The following SLC6A4 variants were observed in gnomAD, a reference collection of about 807,000 sequenced individuals.
The protein encoded by SLC6A4 is sodium-dependent serotonin transporter.
In SLC6A4, 22 loss-of-function variants were observed where a neutral mutation model predicts 73.4. That is an observed-to-expected ratio of 0.30 (90% CI 0.21 to 0.43). The LOEUF is 0.43. Ranked by LOEUF, SLC6A4 falls within the 20% of genes least tolerant of loss-of-function variation. SLC6A4 has a pLI of 1.00. For synonymous variants in SLC6A4, 270 were observed against 315.5 expected (o/e 0.86, Z 1.53); for missense variants, 593 against 808.5 (o/e 0.73, Z 3.23).
chr17:30,207,490 C>A (rs1196547971), intron 13 of SLC6A4, among the ~76,000 whole-genome samples: 1 of 152,116 alleles, frequency 6.6e-6, no homozygotes, highest in Non-Finnish European at 1.5e-5. Context: ...TGGGTTCAAG[C>A]CATTCTCCTG....
intron 1 of SLC6A4, among the ~76,000 whole-genome samples, chr17:30,232,000 C>T (rs1485287301): frequency 1.3e-5 from 2 of 152,210 alleles, no homozygotes; most frequent in African/African-American, 4.8e-5. Context: ...CACAGAGCTA[C>T]GGGGAGCAGA....
At chr17:30,204,471 T>C (rs1035086788) in intron 13 of SLC6A4, 2 of 152,114 alleles carry the variant, frequency 1.3e-5, no homozygotes, top group African/African-American at 2.4e-5. Context: ...TGAAGAAAGA[T>C]GGTTTGGGAA....
intron 3 of SLC6A4, among the ~76,000 whole-genome samples, chr17:30,220,658 A>C (rs1906717522): frequency 6.6e-6 from 1 of 152,154 alleles, no homozygotes; most frequent in South Asian, 2.1e-4. Context: ...GGTCCAAAGG[A>C]TCAGAAGCAT....
intron 14 of SLC6A4, among the ~76,000 whole-genome samples, chr17:30,202,176 T>C (rs926317949): frequency 1.3e-5 from 2 of 152,220 alleles, no homozygotes; most frequent in Admixed American, 1.3e-4. Flanking sequence ...ACTATTGTGA[T>C]GGACTCATGT....
chr17:30,212,068 A>G (rs1906403787), intron 9 of SLC6A4, among the ~76,000 whole-genome samples: 1 of 152,182 alleles, frequency 6.6e-6, no homozygotes, highest in Non-Finnish European at 1.5e-5. Flanking sequence ...AGATGCCATC[A>G]TCTGTTTTTT....
intron 1 of SLC6A4, among the ~76,000 whole-genome samples, chr17:30,227,957 G>A (rs1327303284): frequency 3.3e-5 from 5 of 152,246 alleles, no homozygotes; most frequent in Non-Finnish European, 7.3e-5. Flanking sequence ...TATGCCCCTT[G>A]TGATGGGGTC....
At chr17:30,215,565 C>T in intron 8 of SLC6A4, 46 bp downstream of exon 8, 1 of 1,481,382 alleles carries the variant, frequency 6.8e-7, no homozygotes, top group Non-Finnish European at 9.4e-7. Context: ...AGCTGACTTT[C>T]ACTCACGCCA....
At position 30,203,254 on chromosome 17, in the gene SLC6A4, T is replaced by A. The variant is rs1906089062; in HGVS notation, c.1736A>T (p.Tyr579Phe). Residue 579 changes from tyrosine (Y) to phenylalanine (F), a missense_variant, in exon 14 of 15, where the codon TAC becomes TTC. Physicochemically the swap from Tyr to Phe is conservative, Grantham distance 22 (BLOSUM62 3). Transcript: ENST00000650711. ...NYPYWSIILG[Y>F]CIGTSSFICI... is the part of the protein sequence containing the mutation. ...AATGAAAGATGAGGTTCCTATGCAG[T>A]AACCCAAGATGATACTCCAGTAAGG... 6.2e-7 allele frequency: 1 copy of A among 1,612,414 alleles called. No individual in the cohort carries two copies. The highest frequency in any genetic ancestry group is 1.3e-5 in the African/African-American group (1 of 74,992).
intron 12 of SLC6A4, among the ~76,000 whole-genome samples, chr17:30,208,389 T>C (rs1217471383): frequency 6.6e-6 from 1 of 152,046 alleles, no homozygotes; most frequent in African/African-American, 2.4e-5. Flanking sequence ...GGTTCTTCTA[T>C]AAAAAGTAAC....
chr17:30,197,466 G>A lies in SLC6A4; in HGVS notation c.*990C>T, dbSNP rs767518305. 8 of 152,426 alleles carry A rather than the reference G, an allele frequency of 5.2e-5. No homozygotes were observed. 9.4% of individuals were successfully genotyped at this position (152,426 alleles called of 1,614,324 possible). A position where few individuals can be genotyped will look rare whatever the true frequency, so the allele number is the denominator to read the frequency against. On this transcript the variant is annotated 3_prime_UTR_variant, in exon 15 of 15. Transcript: ENST00000650711. ...GGACAGTCAAACTCAGTCACGTAAG[G>A]CAGACAGAACTTAAACCAGAGGGCC...
At chr17:30,227,239 A>G (rs1308360508) in intron 1 of SLC6A4, among the ~76,000 whole-genome samples, 1 of 152,140 alleles carries the variant, frequency 6.6e-6, no homozygotes, top group Non-Finnish European at 1.5e-5. Flanking sequence ...TGTGTTCCCG[A>G]AGTGTGCAGG....
intron 14 of SLC6A4, among the ~76,000 whole-genome samples, chr17:30,200,254 G>A (rs914262620): frequency 2.0e-5 from 3 of 152,226 alleles, no homozygotes; most frequent in African/African-American, 4.8e-5. Context: ...GCCCACGTCT[G>A]TTTTCCGTGC....
intron 11 of SLC6A4, 39 bp from the exon 12 acceptor site, chr17:30,209,281 G>T: frequency 7.7e-7 from 1 of 1,301,410 alleles, no homozygotes; most frequent in East Asian, 2.3e-5. Flanking sequence ...GGCCCTCCAA[G>T]GAGCCACCCC....
intron 1 of SLC6A4, among the ~76,000 whole-genome samples, chr17:30,231,457 GTATGTACATATGTGTA>G (rs1907114005): frequency 6.6e-6 from 1 of 150,888 alleles, no homozygotes; most frequent in Non-Finnish European, 1.5e-5. Context: ...GTATGTATCT[GTATGTACATATGTGTA>G]TATATAGTGT....
intron 13 of SLC6A4, chr17:30,206,341 C>G (rs1306552566): frequency 6.6e-6 from 1 of 152,020 alleles, no homozygotes; most frequent in African/African-American, 2.4e-5. Context: ...TTACCCCAGG[C>G]TACTTCAGCA....
rs893010993 is a variant in SLC6A4 at position 30,235,236 on chromosome 17, T to A, written c.-221+377A>T. The stretch of plus-strand genomic sequence containing the variant: ...CAAAGTAAAGATCAAACATAAACCA[T>A]GGGTTGAAACGAAAGCAAGCAACTC... On this transcript the variant is annotated intron_variant, in intron 1 of 14. Transcript: ENST00000650711. The surrounding 1 kb of genome is among the most constrained non-coding windows in gnomAD (Gnocchi z 4.5). 2.0e-5 allele frequency among the ~76,000 whole-genome samples: 3 copies of A among 152,150 alleles called. No individual in the cohort carries two copies. The highest frequency in any genetic ancestry group is 4.4e-5 in the Non-Finnish European group (3 of 68,014).
chr17:30,196,300 A>G lies in SLC6A4; in HGVS notation c.*2156T>C, dbSNP rs199640515. The G allele has an allele frequency of 6.6e-6, 1 of 151,428 alleles. No individual in the cohort carries two copies. The highest frequency in any genetic ancestry group is 2.4e-5 in the African/African-American group (1 of 41,314). The allele number at this position is 151,428 out of a possible 1,614,324, so 9.4% of individuals were successfully genotyped here. A position where few individuals can be genotyped will look rare whatever the true frequency, so the allele number is the denominator to read the frequency against. ...ATTTTCTTTAAAAAAAAAAAACCCC[A>G]TCATAGTATTGATAAATAGGGGTCA... On this transcript the variant is annotated 3_prime_UTR_variant, in exon 15 of 15. Transcript: ENST00000650711.
At chr17:30,232,040 C>T (rs967692941) in intron 1 of SLC6A4, among the ~76,000 whole-genome samples, 3 of 152,240 alleles carry the variant, frequency 2.0e-5, no homozygotes, top group African/African-American at 7.2e-5. Context: ...AGGTCTCCCA[C>T]TCACTAATTC....
In SLC6A4 at chr17:30,194,444, A is replaced by G. The variant is rs202002319; in HGVS notation, c.*4012T>C. 3 of 152,194 alleles carry G rather than the reference A, an allele frequency of 2.0e-5. No homozygotes were observed. Among genetic ancestry groups the G allele is most frequent in the Non-Finnish European group, 2.9e-5 (2 of 68,018 alleles). 9.4% of individuals were successfully genotyped at this position (152,194 alleles called of 1,614,324 possible). On this transcript the variant is annotated 3_prime_UTR_variant, in exon 15 of 15. Transcript: ENST00000650711. ...GGGACTCTTTTATACAAATAAATTT[A>G]GGTTTAATTCTGCCAGATAAAATTA... is the stretch of plus-strand genomic sequence containing the variant.
Sources: gnomAD v4.1 joint callset for allele counts (sites outside exome capture counted in the v4.1 genomes callset) on GRCh38, gnomAD v4.1.1 for gene constraint, Gnocchi (gnomAD v3.1) non-coding constraint, MANE v1.5 for transcripts, NCBI Gene and HGNC (gene_info 2026-07-23, HGNC 2026-07-21) for gene names.